Variants in SLC39A10 observed in about 807,000 individuals in gnomAD.
SLC39A10 encodes zinc transporter ZIP10.
SLC39A10 carries 13 observed loss-of-function variants against 65.1 expected under a neutral mutation model. That is an observed-to-expected ratio of 0.20 (90% confidence interval 0.13 to 0.32). The LOEUF is 0.32. Among genes scored for constraint, SLC39A10 ranks in the 10% least tolerant of loss-of-function variants. The probability of loss-of-function intolerance (pLI) is 1.00; values close to 1 mark genes in which losing one functional copy is unlikely to be tolerated. For synonymous variants in SLC39A10, 321 were observed against 342.2 expected (o/e 0.94, Z 0.68); for missense variants, 831 against 1,018.4 (o/e 0.82, Z 2.50).
At chr2:195,648,609 T>G (rs1345612984) in intron 2 of SLC39A10, among the ~76,000 whole-genome samples, 4 of 151,800 alleles carry the variant, frequency 2.6e-5, no homozygotes, top group African/African-American at 4.8e-5. Context: ...GTTTGGGAGG[T>G]CGAGGCTGCA....
At chr2:195,655,874 C>G (rs1255555337), upstream of SLC39A10, among the ~76,000 whole-genome samples, 1 of 151,976 alleles carries the variant, frequency 6.6e-6, no homozygotes, top group Admixed American at 6.5e-5. Flanking sequence ...TGTAGAGATA[C>G]AAAACAAAAA....
chr2:195,671,206 CA>C (rs1574249398), intron 1 of SLC39A10, among the ~76,000 whole-genome samples: 1 of 152,134 alleles, frequency 6.6e-6, no homozygotes, highest in African/African-American at 2.4e-5. Context: ...TATTTGCATT[CA>C]AAATAGTATA....
chr2:195,663,519 G>A (rs969436042), intron 1 of SLC39A10, among the ~76,000 whole-genome samples: 12 of 152,024 alleles, frequency 7.9e-5, no homozygotes, highest in African/African-American at 2.7e-4. Context: ...GTAATAATAA[G>A]ATAGTATAAT....
chr2:195,675,596 T>C lies in SLC39A10; in HGVS notation c.-11-4436T>C, dbSNP rs1160935535. Among the ~76,000 whole-genome samples the C allele has an allele frequency of 3.3e-5, 5 of 151,946 alleles. No homozygotes were observed. The South Asian group carries it at 6.3e-4, about 19-fold the overall frequency. ...ACAGGCGCCCGTCACCATGCCTGGC[T>C]AATTTTTTTGAATCTTCAGTAGAGA... On this transcript the variant is annotated intron_variant, in intron 1 of 9. Coordinates refer to ENST00000359634, the MANE Select transcript of SLC39A10 (RefSeq NM_020342.3).
chr2:195,662,833 T>C (rs1689459779), intron 1 of SLC39A10, among the ~76,000 whole-genome samples: 2 of 152,202 alleles, frequency 1.3e-5, no homozygotes, highest in Non-Finnish European at 2.9e-5. Flanking sequence ...GATGTGTGTA[T>C]TGTCTATAGC....
intron 3 of SLC39A10, among the ~76,000 whole-genome samples, chr2:195,694,711 G>A (rs1690874005): frequency 6.6e-6 from 1 of 152,154 alleles, no homozygotes; most frequent in Non-Finnish European, 1.5e-5. Flanking sequence ...TGGCGCTCTG[G>A]TTTTGTGTTG....
At chr2:195,631,874 G>T (rs747784910) in intron 2 of SLC39A10, among the ~76,000 whole-genome samples, 12 of 151,920 alleles carry the variant, frequency 7.9e-5, no homozygotes, top group Non-Finnish European at 1.5e-4. Context: ...TTTGTTCAGG[G>T]AGTTTATTTT....
At chr2:195,657,444 C>G (rs1689190469) in intron 1 of SLC39A10, 163 bp downstream of exon 1, 2 of 985,984 alleles carry the variant, frequency 2.0e-6, no homozygotes, top group Non-Finnish European at 1.2e-6. Context: ...GTTCCCGCAG[C>G]TGCTGCAGTC....
At chr2:195,619,114 AAGAG>A (rs1553490932) in intron 2 of SLC39A10, among the ~76,000 whole-genome samples, 2 of 131,926 alleles carry the variant, frequency 1.5e-5, no homozygotes, top group Admixed American at 8.3e-5. Context: ...AAAAAAAAAA[AAGAG>A]AGAGAGAGAA....
At chr2:195,658,687 A>G (rs1336609426) in intron 1 of SLC39A10, 1 of 152,022 alleles carries the variant, frequency 6.6e-6, no homozygotes, top group African/African-American at 2.4e-5. Context: ...TTGTATTAGG[A>G]CTCTATTGTA....
upstream of SLC39A10, among the ~76,000 whole-genome samples, chr2:195,654,522 T>C (rs552967778): frequency 6.6e-6 from 1 of 152,348 alleles, no homozygotes; most frequent in East Asian, 1.9e-4. Flanking sequence ...GAACTAATAT[T>C]GTGGCTGAAG....
chr2:195,631,772 C>T (rs1688590588), intron 2 of SLC39A10, among the ~76,000 whole-genome samples: 1 of 152,114 alleles, frequency 6.6e-6, no homozygotes, highest in South Asian at 2.1e-4. Context: ...TATGTACCAT[C>T]ACTTATTATC....
chr2:195,733,154 G>GTA (rs1394819732), intron 9 of SLC39A10, among the ~76,000 whole-genome samples: 1 of 152,172 alleles, frequency 6.6e-6, no homozygotes, highest in Non-Finnish European at 1.5e-5. Context: ...ACAGGAAGAA[G>GTA]TATGAATTAA....
chr2:195,718,257 G>A lies in SLC39A10; in HGVS notation c.2071G>A (p.Ala691Thr). The change falls in exon 8 of 10, where the codon GCT becomes ACT. Residue 691 changes from alanine (A) to threonine (T), a missense_variant. By Grantham distance (58) the Ala-to-Thr change is moderately conservative. Around this residue, in one of 4 missense-constraint regions of SLC39A10, gnomAD observed 120 missense variants for 203.9 expected, o/e 0.59. Transcript: ENST00000359634. The part of the protein sequence containing the change: ...NFSDGLAIGA[A>T]FSAGLTGGIS... Reference sequence around the variant, plus strand: ...TTTTTTCTTATCTTCCTCAGGTGCAGCTTTCAGTGCTGGATTGACAGGAGG... The same window carrying A: ...TTTTTTCTTATCTTCCTCAGGTGCAACTTTCAGTGCTGGATTGACAGGAGG... 6.2e-7 allele frequency: 1 copy of A among 1,605,014 alleles called. No individual in the cohort carries two copies. The highest frequency in any genetic ancestry group is 8.5e-7 in the Non-Finnish European group (1 of 1,173,740).
At position 195,713,487 on chromosome 2, in the gene SLC39A10, A is replaced by G. The variant is rs762454481; in HGVS notation, c.1630A>G (p.Lys544Glu). The change falls in exon 6 of 10, where the codon AAG (lysine) becomes GAG (glutamate). Residue 544 changes from lysine (K) to glutamate (E), a missense_variant. Coordinates refer to ENST00000359634, the MANE Select transcript of SLC39A10 (RefSeq NM_020342.3). Reference sequence around the variant, plus strand: ...CACAGAAGAATCAACTATTGGAAGAAAGCTTTCAGATCACAAGTTAAACAA... The same window carrying G: ...CACAGAAGAATCAACTATTGGAAGAGAGCTTTCAGATCACAAGTTAAACAA... Reference protein sequence around the residue: ...QNTEESTIGRKLSDHKLNNTP... With the variant: ...QNTEESTIGRELSDHKLNNTP... 1 of 1,585,822 alleles carries G rather than the reference A, an allele frequency of 6.3e-7. No individual in the cohort carries two copies. The highest frequency in any genetic ancestry group is 1.2e-5 in the South Asian group (1 of 84,454).
intron 2 of SLC39A10, among the ~76,000 whole-genome samples, chr2:195,613,482 G>A (rs1310910665): frequency 6.6e-6 from 1 of 152,152 alleles, no homozygotes; most frequent in African/African-American, 2.4e-5. Context: ...TATTCTTAGA[G>A]TGTTTAAAAT....
chr2:195,728,464 C>A lies in SLC39A10; in HGVS notation c.2337+115C>A, dbSNP rs1692322901. ...ATAACTCATTTTAAAGACATAATAT[C>A]CTAAATAATCTCTTAAGGAAGGACA... On this transcript the variant is annotated intron_variant, in intron 9 of 9. Coordinates refer to ENST00000359634, the MANE Select transcript of SLC39A10 (RefSeq NM_020342.3). This position sits in a 1 kb window ranked among gnomAD's most constrained non-coding sequence, Gnocchi z 4.4. The A allele has an allele frequency of 1.0e-6, 1 of 966,678 alleles. No homozygotes were observed. Among genetic ancestry groups the A allele is most frequent in the South Asian group, 2.0e-5 (1 of 49,552 alleles). 59.9% of individuals were successfully genotyped at this position (966,678 alleles called of 1,614,324 possible).
intron 2 of SLC39A10, among the ~76,000 whole-genome samples, chr2:195,627,279 C>T (rs370357428): frequency 3.3e-5 from 5 of 152,114 alleles, no homozygotes; most frequent in African/African-American, 4.8e-5. Flanking sequence ...ACCCCCACCC[C>T]GCGCCCAATG....
At chr2:195,644,363 A>G (rs1237623660) in intron 2 of SLC39A10, among the ~76,000 whole-genome samples, 1 of 133,534 alleles carries the variant, frequency 7.5e-6, no homozygotes, top group African/African-American at 2.8e-5. Flanking sequence ...TTTTTTTGAG[A>G]CGGAGTCTCG....
Sources: gnomAD v4.1 joint callset for allele counts (sites outside exome capture counted in the v4.1 genomes callset) on GRCh38, gnomAD v4.1.1 for gene constraint, gnomAD v4.1.1 regional missense constraint, Gnocchi (gnomAD v3.1) non-coding constraint, MANE v1.5 for transcripts, NCBI Gene and HGNC (gene_info 2026-07-23, HGNC 2026-07-21) for gene names.